RANBP10: variants seen among roughly 807,000 people sequenced by gnomAD.
RANBP10 encodes RAN binding protein 10.
A neutral mutation model predicts 72.8 loss-of-function variants in RANBP10; 24 were observed. The observed-to-expected ratio is 0.33, with a 90% confidence interval of 0.24 to 0.46. RANBP10 has a LOEUF of 0.46. Ranked by LOEUF, RANBP10 falls within the 20% of genes least tolerant of loss-of-function variation. The pLI, the probability that RANBP10 is intolerant of heterozygous loss-of-function variation, is 1.00. For missense variants in RANBP10, 679 were observed against 817.5 expected, an observed-to-expected ratio of 0.83 and a Z score of 2.07; for synonymous variants, 310 against 322.3, an observed-to-expected ratio of 0.96 and a Z score of 0.41.
chr16:67,731,452 G>A lies in RANBP10; in HGVS notation c.889+20C>T. 1 of 1,579,496 alleles carries A rather than the reference G, an allele frequency of 6.3e-7. No homozygotes were observed. Among genetic ancestry groups the A allele is most frequent in the South Asian group, 1.1e-5 (1 of 90,356 alleles). On this transcript the variant is annotated intron_variant, in intron 7 of 13. Coordinates refer to ENST00000317506, the MANE Select transcript of RANBP10 (RefSeq NM_020850.3). Reference sequence around the variant, plus strand: ...AGGGACAGGTGAGGAAGGGAAAGGGGAAAGTAGAATAAACCTTACTTTGTC... The same window carrying A: ...AGGGACAGGTGAGGAAGGGAAAGGGAAAAGTAGAATAAACCTTACTTTGTC...
At chr16:67,734,794 G>T in intron 6 of RANBP10, 64 bp downstream of exon 6, 1 of 1,428,938 alleles carries the variant, frequency 7.0e-7, no homozygotes. Context: ...AGCCCTACAG[G>T]GGCCTAGAGT....
At chr16:67,728,824 C>T (rs2053662965) in intron 10 of RANBP10, among the ~76,000 whole-genome samples, 1 of 152,250 alleles carries the variant, frequency 6.6e-6, no homozygotes, top group Non-Finnish European at 1.5e-5. Context: ...GCCCCATGGC[C>T]CCCATGGGCA....
chr16:67,755,087 C>T (rs1239402368), intron 3 of RANBP10, among the ~76,000 whole-genome samples: 1 of 152,124 alleles, frequency 6.6e-6, no homozygotes, highest in Non-Finnish European at 1.5e-5. Flanking sequence ...GGTGAAGCCA[C>T]CTCCTCCTTC....
intron 3 of RANBP10, among the ~76,000 whole-genome samples, chr16:67,760,248 C>G (rs980249053): frequency 2.0e-5 from 3 of 152,174 alleles, no homozygotes; most frequent in African/African-American, 7.2e-5. Flanking sequence ...CAGGGAGGAA[C>G]GATATCAAAC....
chr16:67,792,928 G>C (rs1025221450), intron 2 of RANBP10, among the ~76,000 whole-genome samples: 1 of 151,934 alleles, frequency 6.6e-6, no homozygotes, highest in African/African-American at 2.4e-5. Context: ...GAGATTACCA[G>C]ACAAAAGGGG....
intron 2 of RANBP10, among the ~76,000 whole-genome samples, chr16:67,802,802 A>C (rs1234574118): frequency 6.6e-6 from 1 of 152,232 alleles, no homozygotes; most frequent in African/African-American, 2.4e-5. Flanking sequence ...ACTAAAACTG[A>C]AATGTTAAAA....
rs1567672122 is a variant in RANBP10 at position 67,729,473 on chromosome 16, G to A, written c.1159C>T (p.Pro387Ser). 1 of 1,612,434 alleles carries A rather than the reference G, an allele frequency of 6.2e-7. No individual in the cohort carries two copies. The highest frequency in any genetic ancestry group is 1.3e-5 in the African/African-American group (1 of 74,990). The change falls in exon 10 of 14, where the codon CCC becomes TCC. Residue 387 changes from proline (P) to serine (S), a missense_variant. Transcript: ENST00000317506. This position sits in a 1 kb window ranked among gnomAD's most constrained non-coding sequence, Gnocchi z 7.1. Reference sequence around the variant, plus strand: ...GACGCGACGCCATTGCTACAGCTGGGACTGTCTGCTCCTAGAAGCCAGGGT... The same window carrying A: ...GACGCGACGCCATTGCTACAGCTGGAACTGTCTGCTCCTAGAAGCCAGGGT... ...SHMHNTGADS[P>S]SCSNGVASTK...
chr16:67,801,912 T>A (rs538141489), intron 2 of RANBP10, among the ~76,000 whole-genome samples: 1 of 151,764 alleles, frequency 6.6e-6, no homozygotes, highest in African/African-American at 2.4e-5. Context: ...CTAGGAAACA[T>A]TGTGAGACCC....
chr16:67,754,260 G>A (rs1249584599), intron 3 of RANBP10, among the ~76,000 whole-genome samples: 1 of 152,182 alleles, frequency 6.6e-6, no homozygotes, highest in African/African-American at 2.4e-5. Flanking sequence ...TAAGATGGTG[G>A]CAGGTCCAGG....
At chr16:67,759,305 C>G (rs2054349758) in intron 3 of RANBP10, among the ~76,000 whole-genome samples, 1 of 152,150 alleles carries the variant, frequency 6.6e-6, no homozygotes. Flanking sequence ...GTACACAAAC[C>G]CAACCTATCT....
chr16:67,757,305 C>T (rs1227477219), intron 3 of RANBP10, among the ~76,000 whole-genome samples: 1 of 152,162 alleles, frequency 6.6e-6, no homozygotes, highest in Non-Finnish European at 1.5e-5. Flanking sequence ...TGGTGACTAG[C>T]CCCTCTCCTA....
intron 2 of RANBP10, among the ~76,000 whole-genome samples, chr16:67,776,528 C>T (rs1376850986): frequency 6.9e-6 from 1 of 145,010 alleles, no homozygotes; most frequent in Admixed American, 7.0e-5. Flanking sequence ...AATCCCAGCA[C>T]TTTGGGAGCT....
At chr16:67,743,248 TCCAAGCAAAATGC>T (rs1405163425) in intron 4 of RANBP10, among the ~76,000 whole-genome samples, 1 of 152,204 alleles carries the variant, frequency 6.6e-6, no homozygotes, top group African/African-American at 2.4e-5. Context: ...GGAGTTGGGT[TCCAAGCAAAATGC>T]CCAACTCCCT....
At chr16:67,752,729 T>C (rs1033756022) in intron 3 of RANBP10, among the ~76,000 whole-genome samples, 11 of 152,192 alleles carry the variant, frequency 7.2e-5, no homozygotes, top group African/African-American at 2.7e-4. Flanking sequence ...TTAGTATCAC[T>C]GGCTGCTGCA....
rs8055659 is a variant in RANBP10 at position 67,798,426 on chromosome 16, C to T, written c.347+7002G>A. ...GGGCCTAAGCTTAGATGGTCCTCCA[C>T]ACCAGGAATGTGGCAGGTGAGATCT... is the stretch of plus-strand genomic sequence containing the variant. On this transcript the variant is annotated intron_variant, in intron 2 of 13. Coordinates refer to ENST00000317506, the MANE Select transcript of RANBP10 (RefSeq NM_020850.3). Among the ~76,000 whole-genome samples the T allele has an allele frequency of 5.3e-5, 8 of 152,272 alleles. No homozygotes were observed. In the East Asian group the frequency reaches 1.5e-3, roughly 29 times the overall value.
intron 3 of RANBP10, among the ~76,000 whole-genome samples, chr16:67,769,521 G>A (rs543946123): frequency 3.4e-5 from 5 of 148,214 alleles, no homozygotes; most frequent in Admixed American, 1.4e-4. Flanking sequence ...CAAGTCAGGC[G>A]GACCACGAGG....
At chr16:67,800,250 G>A (rs961912694) in intron 2 of RANBP10, among the ~76,000 whole-genome samples, 1 of 152,204 alleles carries the variant, frequency 6.6e-6, no homozygotes, top group Non-Finnish European at 1.5e-5. Context: ...GGGAAGGCTG[G>A]CTGTGGTCAG....
At chr16:67,738,902 G>A (rs1167889591) in intron 4 of RANBP10, 5 of 152,154 alleles carry the variant, frequency 3.3e-5, no homozygotes, top group Admixed American at 1.3e-4. Context: ...TATCCCCTGC[G>A]GCCCTTCAGA....
chr16:67,790,618 T>C (rs937752874), intron 2 of RANBP10, among the ~76,000 whole-genome samples: 8 of 151,914 alleles, frequency 5.3e-5, no homozygotes, highest in African/African-American at 7.3e-5. Flanking sequence ...TGGCCTCACA[T>C]TGGGGCCAGA....
Sources: allele counts gnomAD v4.1 joint callset (sites outside exome capture counted in the v4.1 genomes callset), GRCh38; gene constraint gnomAD v4.1.1; non-coding constraint Gnocchi (gnomAD v3.1); transcripts MANE v1.5; gene names NCBI Gene and HGNC (gene_info 2026-07-23, HGNC 2026-07-21).